The following ZNF521 variants were observed in gnomAD, a reference collection of about 807,000 sequenced individuals.
ZNF521 encodes LYST-interacting protein 3.
A neutral mutation model predicts 105.5 loss-of-function variants in ZNF521; 14 were observed. The observed-to-expected ratio is 0.13, with a 90% CI of 0.09 to 0.21. ZNF521 has a LOEUF of 0.21. ZNF521 is among the 10% of genes least tolerant of loss of function. The probability of loss-of-function intolerance (pLI) is 1.00; values close to 1 mark genes in which losing one functional copy is unlikely to be tolerated. For synonymous variants in ZNF521, 635 were observed against 606.0 expected, an observed-to-expected ratio of 1.05 and a Z score of -0.70; for missense variants, 1,233 against 1,629.7, an observed-to-expected ratio of 0.76 and a Z score of 4.19.
chr18:25,195,869 C>T (rs1284334076), intron 4 of ZNF521, among the ~76,000 whole-genome samples: 1 of 151,630 alleles, frequency 6.6e-6, no homozygotes, highest in African/African-American at 2.4e-5. Flanking sequence ...CACAACAGCC[C>T]TGTGAAGTAG....
At chr18:25,159,610 T>C (rs912101096) in intron 5 of ZNF521, among the ~76,000 whole-genome samples, 1 of 152,162 alleles carries the variant, frequency 6.6e-6, no homozygotes, top group Admixed American at 6.5e-5. Flanking sequence ...TAGGTACTGA[T>C]TGAGTGGGTC....
At chr18:25,309,633 A>G (rs1201373876) in intron 3 of ZNF521, among the ~76,000 whole-genome samples, 3 of 152,210 alleles carry the variant, frequency 2.0e-5, no homozygotes, top group African/African-American at 7.2e-5. Context: ...CACTGGTGAA[A>G]AGCAAATATT....
At chr18:25,340,352 CT>C (rs1261041268) in intron 2 of ZNF521, among the ~76,000 whole-genome samples, 1 of 151,990 alleles carries the variant, frequency 6.6e-6, no homozygotes, top group Non-Finnish European at 1.5e-5. Flanking sequence ...GAGATTCCAT[CT>C]CGAAAAAATA....
chr18:25,229,663 G>GA (rs1173958469), intron 3 of ZNF521, among the ~76,000 whole-genome samples: 3 of 151,090 alleles, frequency 2.0e-5, no homozygotes, highest in Admixed American at 6.6e-5. Flanking sequence ...TACCCTAATT[G>GA]AAAAAAAAGG....
At chr18:25,107,394 A>T (rs372980355) in intron 5 of ZNF521, among the ~76,000 whole-genome samples, 1 of 152,186 alleles carries the variant, frequency 6.6e-6, no homozygotes. Context: ...TGTTTTCCCA[A>T]CACTTCAGCC....
At chr18:25,200,144 C>T (rs1406405354) in intron 4 of ZNF521, among the ~76,000 whole-genome samples, 1 of 152,070 alleles carries the variant, frequency 6.6e-6, no homozygotes, top group Non-Finnish European at 1.5e-5. Context: ...TGGTCATTTG[C>T]AGGTAAATTT....
chr18:25,240,868 C>T (rs551018781), intron 3 of ZNF521, among the ~76,000 whole-genome samples: 10 of 151,304 alleles, frequency 6.6e-5, no homozygotes, highest in Admixed American at 5.9e-4. Context: ...TATCCAGGTT[C>T]CCTTACCCCT....
chr18:25,322,435 A>C, intron 2 of ZNF521: 1 of 527,692 alleles, frequency 1.9e-6, no homozygotes, highest in Non-Finnish European at 3.5e-6. Context: ...CCATCAAATC[A>C]CTCACCCACT....
intron 5 of ZNF521, among the ~76,000 whole-genome samples, chr18:25,186,140 T>C (rs2035718317): frequency 4.6e-5 from 7 of 152,196 alleles, no homozygotes; most frequent in Admixed American, 4.6e-4. Flanking sequence ...GCCGAGGCAA[T>C]GTGTTATGGG....
chr18:25,224,870 G>A lies in ZNF521; in HGVS notation c.3048C>T (p.Ser1016=), dbSNP rs770038688. ...ACACCACGCAGCGAAAGCCTGTCAG[G>A]GAATTCCTCAAGTCAGGGTGCATTT... is the stretch of plus-strand genomic sequence containing the variant. ...HCQMHPDLRN[S]LTGFRCVVCM... Residue 1016 remains serine, a synonymous_variant, in exon 4 of 8, where the codon TCC becomes TCT. Coordinates refer to ENST00000361524, the MANE Select transcript of ZNF521 (RefSeq NM_015461.3). The A allele has an allele frequency of 1.2e-6, 2 of 1,613,872 alleles. No homozygotes were observed. Among genetic ancestry groups the A allele is most frequent in the Non-Finnish European group, 1.7e-6 (2 of 1,180,016 alleles).
At chr18:25,244,579 T>C (rs1434322186) in intron 3 of ZNF521, among the ~76,000 whole-genome samples, 1 of 152,172 alleles carries the variant, frequency 6.6e-6, no homozygotes, top group Non-Finnish European at 1.5e-5. Flanking sequence ...GAAATGCAAG[T>C]CTCATTTCCT....
chr18:25,100,113 T>A (rs1333835128), intron 5 of ZNF521, among the ~76,000 whole-genome samples: 10 of 151,298 alleles, frequency 6.6e-5, no homozygotes, highest in Non-Finnish European at 1.5e-4. Context: ...TTTTTAATCT[T>A]CTTCTTCTTG....
intron 3 of ZNF521, among the ~76,000 whole-genome samples, chr18:25,319,036 C>G (rs1912795135): frequency 6.6e-6 from 1 of 151,928 alleles, no homozygotes; most frequent in Non-Finnish European, 1.5e-5. Flanking sequence ...TCTGGAGCAT[C>G]TATTTGCATC....
chr18:25,271,411 A>T (rs1018536459), intron 3 of ZNF521, among the ~76,000 whole-genome samples: 5 of 152,196 alleles, frequency 3.3e-5, no homozygotes, highest in African/African-American at 1.2e-4. Context: ...GAGTTGGAAA[A>T]AACTACTTGA....
chr18:25,294,809 C>G (rs992130363), intron 3 of ZNF521, among the ~76,000 whole-genome samples: 4 of 119,836 alleles, frequency 3.3e-5, no homozygotes, highest in Admixed American at 1.2e-4. Flanking sequence ...GAGCCAAGAT[C>G]GTGCCACTGC....
chr18:25,305,280 T>C (rs766872228), intron 3 of ZNF521, among the ~76,000 whole-genome samples: 3 of 152,234 alleles, frequency 2.0e-5, no homozygotes, highest in Non-Finnish European at 2.9e-5. Context: ...CAGATTAATA[T>C]ATTTTCTAAT....
intron 5 of ZNF521, among the ~76,000 whole-genome samples, chr18:25,168,490 G>T (rs577245582): frequency 6.6e-6 from 1 of 152,100 alleles, no homozygotes; most frequent in South Asian, 2.1e-4. Flanking sequence ...GTGTGCACCC[G>T]GTCCCAAACA....
chr18:25,253,453 T>C (rs1908254708), intron 3 of ZNF521, among the ~76,000 whole-genome samples: 1 of 152,152 alleles, frequency 6.6e-6, no homozygotes, highest in Non-Finnish European at 1.5e-5. Context: ...TCATTATATT[T>C]TTGTGACTTA....
At chr18:25,314,412 TA>T (rs1454236815) in intron 3 of ZNF521, among the ~76,000 whole-genome samples, 1 of 152,210 alleles carries the variant, frequency 6.6e-6, no homozygotes, top group African/African-American at 2.4e-5. Context: ...ATAATAAGGA[TA>T]TTCCAGATGT....
Sources: gnomAD v4.1 joint callset for allele counts (sites outside exome capture counted in the v4.1 genomes callset) on GRCh38, gnomAD v4.1.1 for gene constraint, MANE v1.5 for transcripts, NCBI Gene and HGNC (gene_info 2026-07-23, HGNC 2026-07-21) for gene names.